The following TMC3 variants were observed in gnomAD, a reference collection of about 807,000 sequenced individuals.
TMC3 encodes transmembrane channel like 3, also known as transmembrane channel-like protein 3.
A neutral mutation model predicts 110.6 loss-of-function variants in TMC3; 98 were observed. The ratio of observed to expected loss-of-function variants is 0.89; its 90% confidence interval spans 0.75 to 1.05. TMC3 has a LOEUF of 1.05. Among genes scored for constraint, TMC3 ranks in the 50% least tolerant of loss-of-function variants. The pLI is 0.00. For synonymous variants in TMC3, 489 were observed against 513.1 expected, an observed-to-expected ratio of 0.95 and a Z score of 0.63; for missense variants, 1,319 against 1,373.2, an observed-to-expected ratio of 0.96 and a Z score of 0.62.
At position 81,351,737 on chromosome 15, in the gene TMC3, A is replaced by T. The variant is rs1228403149; in HGVS notation, c.1040T>A (p.Leu347Gln). Residue 347 changes from leucine (L) to glutamine (Q), a missense_variant, in exon 10 of 22, where the codon CTG becomes CAG. By Grantham distance (113) the Leu-to-Gln change is moderately radical (BLOSUM62 -2). Coordinates refer to ENST00000359440, the MANE Select transcript of TMC3 (RefSeq NM_001080532.3). ...TGTCAGCTCCTTCTTCGACTGCTCC[A>T]GCTTCTGGGACCGGTCCACCACAAA... ...IYFVVDRSQK[L>Q]EQSKKELTLW... The T allele has an allele frequency of 3.4e-5, 53 of 1,577,652 alleles. No individual in the cohort carries two copies. Among genetic ancestry groups the T allele is most frequent in the Non-Finnish European group, 4.3e-5 (50 of 1,161,936 alleles).
chr15:81,348,956 G>A (rs573323742), intron 11 of TMC3, among the ~76,000 whole-genome samples: 28 of 152,266 alleles, frequency 1.8e-4, no homozygotes, highest in African/African-American at 6.5e-4. Context: ...GGGATTATAG[G>A]CATGCGCCAC....
intron 11 of TMC3, among the ~76,000 whole-genome samples, chr15:81,347,130 CA>C (rs1893844276): frequency 6.6e-6 from 1 of 152,168 alleles, no homozygotes; most frequent in Non-Finnish European, 1.5e-5. Context: ...TGGAATTTCC[CA>C]GGATGCAGCC....
intron 14 of TMC3, 41 bp downstream of exon 14, chr15:81,343,876 G>A: frequency 1.9e-6 from 3 of 1,598,382 alleles, no homozygotes; most frequent in Non-Finnish European, 2.6e-6. Flanking sequence ...GGATGGATTT[G>A]GCCATATAAA....
chr15:81,372,581 A>C lies in TMC3; in HGVS notation c.236+10T>G. On this transcript the variant is annotated intron_variant, in intron 2 of 21. Coordinates refer to ENST00000359440, the MANE Select transcript of TMC3 (RefSeq NM_001080532.3). Reference sequence around the variant, plus strand: ...TTGTAATGATCAATAATGGCCATTGAGGCCCTTACCTCAATGCCCTCAGCT... The same window carrying C: ...TTGTAATGATCAATAATGGCCATTGCGGCCCTTACCTCAATGCCCTCAGCT... The C allele has an allele frequency of 6.2e-7, 1 of 1,613,042 alleles. No individual in the cohort carries two copies. Among genetic ancestry groups the C allele is most frequent in the Non-Finnish European group, 8.5e-7 (1 of 1,179,878 alleles).
chr15:81,364,487 T>A (rs1231463816), intron 3 of TMC3, among the ~76,000 whole-genome samples: 1 of 131,272 alleles, frequency 7.6e-6, no homozygotes. Flanking sequence ...AACAATGAGA[T>A]CACATGGACA....
At chr15:81,344,441 G>A (rs1220818826) in intron 13 of TMC3, among the ~76,000 whole-genome samples, 1 of 152,096 alleles carries the variant, frequency 6.6e-6, no homozygotes, top group Non-Finnish European at 1.5e-5. Flanking sequence ...CCTGGGTTCA[G>A]GACTTCATTC....
intron 20 of TMC3, 48 bp from the exon 21 acceptor site, chr15:81,335,023 GTGACAACTTCAGA>G: frequency 6.3e-7 from 1 of 1,599,568 alleles, no homozygotes; most frequent in South Asian, 1.1e-5. Context: ...CACTGAGCAG[GTGACAACTTCAGA>G]TGAGTTGAGT....
intron 2 of TMC3, among the ~76,000 whole-genome samples, chr15:81,369,726 C>A (rs955556913): frequency 5.3e-5 from 8 of 151,860 alleles, no homozygotes; most frequent in African/African-American, 1.9e-4. Context: ...GAGTTCAAGA[C>A]CATCCTGGGC....
chr15:81,339,593 TTGCCCTGACTCTTTGCAAAC>T, intron 16 of TMC3, 89 bp from the exon 17 acceptor site: 1 of 986,324 alleles, frequency 1.0e-6, no homozygotes, highest in Non-Finnish European at 1.6e-6. Flanking sequence ...ACAGAAACGG[TTGCCCTGACTCTTTGCAAAC>T]TAAAAATCCT....
At chr15:81,368,173 TC>T (rs1437940135) in intron 3 of TMC3, 79 bp downstream of exon 3, 2 of 990,758 alleles carry the variant, frequency 2.0e-6, no homozygotes, top group Non-Finnish European at 3.2e-6. Context: ...GACCTCGTGA[TC>T]CACCTCCCTT....
chr15:81,352,748 G>C (rs1404890689), intron 9 of TMC3, among the ~76,000 whole-genome samples: 1 of 152,212 alleles, frequency 6.6e-6, no homozygotes, highest in African/African-American at 2.4e-5. Flanking sequence ...GTGGAAGGCA[G>C]TGATATTGAT....
At chr15:81,364,439 A>G (rs1028968519) in intron 3 of TMC3, among the ~76,000 whole-genome samples, 11 of 151,648 alleles carry the variant, frequency 7.3e-5, no homozygotes, top group African/African-American at 2.7e-4. Context: ...TTCAAAATTT[A>G]AGAAAAAAGC....
At chr15:81,360,589 G>C (rs569257459) in intron 4 of TMC3, among the ~76,000 whole-genome samples, 1 of 152,176 alleles carries the variant, frequency 6.6e-6, no homozygotes, top group Non-Finnish European at 1.5e-5. Flanking sequence ...AGCACTCTCC[G>C]TAGAGAAGTT....
At chr15:81,341,049 G>C (rs966553280) in intron 16 of TMC3, among the ~76,000 whole-genome samples, 1 of 152,222 alleles carries the variant, frequency 6.6e-6, no homozygotes, top group African/African-American at 2.4e-5. Context: ...GCATGCTCTG[G>C]TTGCCATTTG....
chr15:81,349,557 A>G lies in TMC3; in HGVS notation c.1094T>C (p.Val365Ala), dbSNP rs913111209. The G allele has an allele frequency of 4.0e-6, 6 of 1,513,748 alleles. No homozygotes were observed. Among genetic ancestry groups the G allele is most frequent in the Non-Finnish European group, 5.3e-6 (6 of 1,129,080 alleles). 93.8% of individuals were successfully genotyped at this position (1,513,748 alleles called of 1,614,324 possible). A position where few individuals can be genotyped will look rare whatever the true frequency, so the allele number is the denominator to read the frequency against. The change falls in exon 11 of 22, where the codon GTG becomes GCG. Residue 365 changes from valine (V) to alanine (A), a missense_variant. Val to Ala is a moderately conservative substitution (Grantham distance 64). Transcript: ENST00000359440. ...TLWEKNEVSVVVSLVTMIAPS... is the reference protein window; with the variant it reads ...TLWEKNEVSVAVSLVTMIAPS... ...TGCTATCATGGTGACGAGGGAGACCACCACACTGACCTGCTGAGAGAGCAC... is the reference window on the plus strand; with the variant it reads ...TGCTATCATGGTGACGAGGGAGACCGCCACACTGACCTGCTGAGAGAGCAC...
At chr15:81,352,589 T>C (rs1436406548) in intron 9 of TMC3, among the ~76,000 whole-genome samples, 1 of 152,186 alleles carries the variant, frequency 6.6e-6, no homozygotes, top group Non-Finnish European at 1.5e-5. Flanking sequence ...AGGGTATACT[T>C]CTACTTATTT....
intron 3 of TMC3, among the ~76,000 whole-genome samples, chr15:81,364,706 A>AAT (rs1894269347): frequency 1.6e-5 from 2 of 127,878 alleles, no homozygotes; most frequent in African/African-American, 6.3e-5. Context: ...ATTCCAAAAA[A>AAT]AAAAAAATAA....
chr15:81,358,619 G>T, intron 5 of TMC3, 119 bp from the exon 6 acceptor site: 1 of 747,454 alleles, frequency 1.3e-6, no homozygotes, highest in Non-Finnish European at 2.1e-6. Context: ...TCCAGGGGGT[G>T]GATTTCTGCT....
intron 10 of TMC3, among the ~76,000 whole-genome samples, chr15:81,350,211 G>C (rs1893917716): frequency 6.6e-6 from 1 of 152,172 alleles, no homozygotes; most frequent in South Asian, 2.1e-4. Context: ...CTCCAGCCTG[G>C]GCAACAGAGT....
Sources: allele counts gnomAD v4.1 joint callset (sites outside exome capture counted in the v4.1 genomes callset), GRCh38; gene constraint gnomAD v4.1.1; transcripts MANE v1.5; gene names NCBI Gene and HGNC (gene_info 2026-07-23, HGNC 2026-07-21).